Variants in SNX29 observed in about 807,000 individuals in gnomAD.
SNX29 encodes the protein sorting nexin 29, also known as sorting nexin-29.
In SNX29, 78 loss-of-function variants were observed where a neutral mutation model predicts 102.1. The observed-to-expected ratio is 0.76, with a 90% CI of 0.64 to 0.92. The LOEUF is 0.92. SNX29 is among the 40% of genes least tolerant of loss of function. The pLI is 0.00. For synonymous variants in SNX29, 580 were observed against 414.5 expected, an observed-to-expected ratio of 1.40 and a Z score of -4.85; for missense variants, 1,280 against 1,061.7, an observed-to-expected ratio of 1.21 and a Z score of -2.86.
chr16:12,485,394 C>T (rs2088177790), intron 19 of SNX29, among the ~76,000 whole-genome samples: 2 of 152,208 alleles, frequency 1.3e-5, no homozygotes, highest in African/African-American at 4.8e-5. Flanking sequence ...GATTCCGTCT[C>T]CAAAAGTTCA....
chr16:12,130,874 C>G (rs547386361), intron 13 of SNX29, among the ~76,000 whole-genome samples: 1 of 152,266 alleles, frequency 6.6e-6, no homozygotes, highest in South Asian at 2.1e-4. Context: ...TGTCTGACTG[C>G]ATCAGAATTC....
intron 18 of SNX29, among the ~76,000 whole-genome samples, chr16:12,462,016 T>TGTATAC (rs1555544565): frequency 6.1e-5 from 4 of 65,212 alleles, no homozygotes; most frequent in Non-Finnish European, 9.7e-5. Flanking sequence ...TATATATGTA[T>TGTATAC]ACACACACAC....
At chr16:12,214,327 C>T (rs774461186) in intron 14 of SNX29, among the ~76,000 whole-genome samples, 22 of 152,204 alleles carry the variant, frequency 1.4e-4, no homozygotes, top group Non-Finnish European at 3.2e-4. Context: ...TTGTTGTCGT[C>T]ATTAACTTTT....
rs1481330300 is a variant in SNX29 at position 12,572,385 on chromosome 16, T to TC, written c.*3759dup. ...CTCTGCCTTCTGGAGGCGGCTTATA[T>TC]CCCAACAGCCTGAGGCAGGGCTCTG... On this transcript the variant is annotated 3_prime_UTR_variant, in exon 21 of 21. Transcript: ENST00000566228. The TC allele has an allele frequency of 3.2e-5, 34 of 1,062,940 alleles. No homozygotes were observed. Among genetic ancestry groups the TC allele is most frequent in the Non-Finnish European group, 3.8e-5 (33 of 877,840 alleles). The allele number at this position is 1,062,940 out of a possible 1,614,324, so 65.8% of individuals were successfully genotyped here. A position where few individuals can be genotyped will look rare whatever the true frequency, so the allele number is the denominator to read the frequency against.
rs2079159556 is a variant in SNX29, at chr16:12,570,295, T to A, written c.*1666T>A. 20 of 1,053,710 alleles carry A rather than the reference T, an allele frequency of 1.9e-5. No individual in the cohort carries two copies. Among genetic ancestry groups the A allele is most frequent in the Non-Finnish European group, 2.0e-5 (17 of 868,826 alleles). The allele number at this position is 1,053,710 out of a possible 1,614,324, so 65.3% of individuals were successfully genotyped here. A position where few individuals can be genotyped will look rare whatever the true frequency, so the allele number is the denominator to read the frequency against. On this transcript the variant is annotated 3_prime_UTR_variant, in exon 21 of 21. Transcript: ENST00000566228. Reference sequence around the variant, plus strand: ...GGACCCTGCAGTCAGTTTGCGAGTGTGGAGGACCCGAGACATCCTGTAAAG... The same window carrying A: ...GGACCCTGCAGTCAGTTTGCGAGTGAGGAGGACCCGAGACATCCTGTAAAG...
chr16:12,502,087 T>C lies in SNX29; in HGVS notation c.2179-22615T>C, dbSNP rs544785092. 3.9e-5 allele frequency among the ~76,000 whole-genome samples: 6 copies of C among 152,278 alleles called. No individual in the cohort carries two copies. The South Asian group carries it at 1.0e-3, about 26-fold the overall frequency. ...CATGGGACCTGCTTAGTGTCCAGGC[T>C]CAGGACTGCCTCCGAGCTGGGCAGG... is the stretch of plus-strand genomic sequence containing the variant. On this transcript the variant is annotated intron_variant, in intron 19 of 20. Transcript: ENST00000566228.
intron 13 of SNX29, among the ~76,000 whole-genome samples, chr16:12,143,249 G>A (rs1267444558): frequency 2.6e-5 from 4 of 152,036 alleles, no homozygotes; most frequent in South Asian, 4.2e-4. Flanking sequence ...CGTCCACCTC[G>A]GCCTCCCAAA....
At chr16:12,145,807 G>A (rs1440850661) in intron 13 of SNX29, among the ~76,000 whole-genome samples, 1 of 152,188 alleles carries the variant, frequency 6.6e-6, no homozygotes, top group Non-Finnish European at 1.5e-5. Context: ...TTCTGTGTTT[G>A]GATATGTCCT....
At position 12,539,451 on chromosome 16, in the gene SNX29, T is replaced by G. The variant is rs916910049; in HGVS notation, c.2318+14610T>G. Among the ~76,000 whole-genome samples, 17 of 152,338 alleles carry G rather than the reference T, an allele frequency of 1.1e-4. No homozygotes were observed. In the Middle Eastern group the frequency reaches 0.01, roughly 91 times the overall value. ...CAGTGTTTTTATTACTGAGCAGAGT[T>G]TGGTTAAATGGATATACCACGGTTT... On this transcript the variant is annotated intron_variant, in intron 20 of 20. Coordinates refer to ENST00000566228, the MANE Select transcript of SNX29 (RefSeq NM_032167.5).
chr16:12,014,785 T>G (rs561882846), intron 3 of SNX29, among the ~76,000 whole-genome samples: 1 of 152,090 alleles, frequency 6.6e-6, no homozygotes, highest in East Asian at 1.9e-4. Flanking sequence ...AATTATGATT[T>G]ACCATTTAAA....
intron 15 of SNX29, among the ~76,000 whole-genome samples, chr16:12,294,457 A>G (rs1158258823): frequency 6.6e-6 from 1 of 152,090 alleles, no homozygotes; most frequent in African/African-American, 2.4e-5. Context: ...CTCAGGGAGA[A>G]TGAGTCTTCT....
At chr16:12,113,043 T>C (rs1479670363) in intron 11 of SNX29, among the ~76,000 whole-genome samples, 1 of 152,220 alleles carries the variant, frequency 6.6e-6, no homozygotes, top group East Asian at 1.9e-4. Flanking sequence ...AGTTATGCTC[T>C]GAGTGTCTCT....
chr16:12,251,047 A>T (rs772874774), intron 14 of SNX29, among the ~76,000 whole-genome samples: 2 of 152,184 alleles, frequency 1.3e-5, no homozygotes, highest in Non-Finnish European at 2.9e-5. Context: ...GCTGCGGGCC[A>T]TGTGGCCAGG....
At chr16:12,481,340 TA>T (rs2087896771) in intron 19 of SNX29, among the ~76,000 whole-genome samples, 1 of 151,916 alleles carries the variant, frequency 6.6e-6, no homozygotes. Flanking sequence ...AACTTTTAAT[TA>T]ACTTTTAATA....
chr16:12,209,365 T>A (rs570469409), intron 14 of SNX29, among the ~76,000 whole-genome samples: 57 of 152,170 alleles, frequency 3.7e-4, no homozygotes, highest in Admixed American at 1.6e-3. Context: ...CATTTTTGTA[T>A]TTTTAGTAGA....
intron 15 of SNX29, among the ~76,000 whole-genome samples, chr16:12,325,597 T>A (rs551567758): frequency 6.6e-6 from 1 of 152,320 alleles, no homozygotes; most frequent in African/African-American, 2.4e-5. Context: ...ATGCATTAAT[T>A]AAATATTTGG....
chr16:12,250,508 G>T (rs2078390124), intron 14 of SNX29, among the ~76,000 whole-genome samples: 2 of 152,184 alleles, frequency 1.3e-5, no homozygotes, highest in Admixed American at 6.5e-5. Flanking sequence ...AGCTTTTTCT[G>T]CAGGGCTCAT....
intron 20 of SNX29, among the ~76,000 whole-genome samples, chr16:12,567,256 C>G (rs1486980628): frequency 6.6e-6 from 1 of 152,208 alleles, no homozygotes; most frequent in African/African-American, 2.4e-5. Flanking sequence ...GTCCTGTCTT[C>G]CCTTGTAGGG....
At chr16:12,443,917 G>A (rs1412425373) in intron 18 of SNX29, among the ~76,000 whole-genome samples, 1 of 152,232 alleles carries the variant, frequency 6.6e-6, no homozygotes, top group Non-Finnish European at 1.5e-5. Flanking sequence ...AACTTGCATA[G>A]CACCTAGCAT....
Sources: allele counts gnomAD v4.1 joint callset (sites outside exome capture counted in the v4.1 genomes callset), GRCh38; gene constraint gnomAD v4.1.1; transcripts MANE v1.5; gene names NCBI Gene and HGNC (gene_info 2026-07-23, HGNC 2026-07-21).